Variants in GARNL3 observed in about 807,000 individuals in gnomAD.
GARNL3 encodes the protein GTPase activating Rap/RanGAP domain like 3, also known as GTPase-activating Rap/Ran-GAP domain-like protein 3.
Under a neutral mutation model 125.0 loss-of-function variants are expected in GARNL3, and 63 were observed. The ratio of observed to expected loss-of-function variants is 0.50; its 90% CI spans 0.41 to 0.62. The LOEUF (loss-of-function observed/expected upper bound fraction) is 0.62. Among genes scored for constraint, GARNL3 ranks in the 20% least tolerant of loss-of-function variants. GARNL3 has a pLI of 0.00. For missense variants in GARNL3, 994 were observed against 1,244.0 expected (o/e 0.80, Z 3.02); for synonymous variants, 439 against 457.5 (o/e 0.96, Z 0.52).
chr9:127,351,946 G>T (rs1419241197), intron 17 of GARNL3, among the ~76,000 whole-genome samples: 2 of 152,160 alleles, frequency 1.3e-5, no homozygotes, highest in Admixed American at 6.5e-5. Context: ...TTCTTGTGTT[G>T]TATACAAACC....
At position 127,389,028 on chromosome 9, in the gene GARNL3, G is replaced by A; in HGVS notation, c.2652G>A (p.Val884=). Residue 884 remains valine (V), a synonymous_variant, in exon 26 of 28, where the codon GTG becomes GTA. Transcript: ENST00000373387. ...TCACCCCACCCACTCCCATCAGTGT[G>A]GGCCTTGCTGCCATTCCAGTCACGC... ...KVITPPTPIS[V]GLAAIPVTHS... is the part of the protein sequence containing the mutation. 1 of 1,614,094 alleles carries A rather than the reference G, an allele frequency of 6.2e-7. No homozygotes were observed. The highest frequency in any genetic ancestry group is 1.1e-5 in the South Asian group (1 of 91,072).
At chr9:127,232,539 G>A (rs1187298469) in intron 1 of GARNL3, among the ~76,000 whole-genome samples, 1 of 152,104 alleles carries the variant, frequency 6.6e-6, no homozygotes, top group Non-Finnish European at 1.5e-5. Flanking sequence ...GAACTCCTAG[G>A]CTCAAGTGAT....
At chr9:127,251,060 C>A (rs542945222) in intron 2 of GARNL3, among the ~76,000 whole-genome samples, 2 of 152,282 alleles carry the variant, frequency 1.3e-5, no homozygotes, top group South Asian at 4.1e-4. Context: ...GTGCTAACCT[C>A]ATCTCAAAGT....
intron 1 of GARNL3, among the ~76,000 whole-genome samples, chr9:127,241,218 G>A (rs2063197710): frequency 6.6e-6 from 1 of 152,006 alleles, no homozygotes; most frequent in South Asian, 2.1e-4. Context: ...CTCCCTCATC[G>A]GTATCTTGAG....
At chr9:127,261,487 C>T (rs1201737721), upstream of GARNL3, among the ~76,000 whole-genome samples, 5 of 149,230 alleles carry the variant, frequency 3.4e-5, no homozygotes, top group East Asian at 4.1e-4. Context: ...CTCAGCTTAC[C>T]GCAACCTCTG....
Position 127,313,522 on chromosome 9 carries a change from G to C in GARNL3, c.401G>C (p.Arg134Pro). The change falls in exon 4 of 28, where the codon CGT (arginine) becomes CCT (proline). Residue 134 changes from arginine to proline, a missense_variant. Physicochemically the swap from Arg to Pro is moderately radical, Grantham distance 103. Transcript: ENST00000373387. ...SVTLSDQNNQ[R>P]VPQYRAILWR... ...ACCCTTTCTGACCAAAACAATCAAC[G>C]TGTCCCTCAATACCGTGCAATTCTT... is the stretch of plus-strand genomic sequence containing the variant. 5 of 1,613,904 alleles carry C rather than the reference G, an allele frequency of 3.1e-6. No individual in the cohort carries two copies. Among genetic ancestry groups the C allele is most frequent in the Non-Finnish European group, 4.2e-6 (5 of 1,179,840 alleles).
At chr9:127,259,148 C>T (rs568846538), upstream of GARNL3, among the ~76,000 whole-genome samples, 30 of 152,156 alleles carry the variant, frequency 2.0e-4, no homozygotes, top group Non-Finnish European at 4.0e-4. Context: ...CCTTTTCTTT[C>T]CTTATCAGTT....
chr9:127,270,707 A>G (rs1276129862), intron 1 of GARNL3, among the ~76,000 whole-genome samples: 1 of 152,170 alleles, frequency 6.6e-6, no homozygotes, highest in African/African-American at 2.4e-5. Flanking sequence ...TGCTTATCAC[A>G]ATCTATATTC....
chr9:127,337,566 A>T (rs1829622694), intron 11 of GARNL3, among the ~76,000 whole-genome samples: 2 of 152,130 alleles, frequency 1.3e-5, no homozygotes, highest in Non-Finnish European at 2.9e-5. Flanking sequence ...AGCTGGATGG[A>T]TTCTTTCCTA....
chr9:127,382,154 G>C (rs111754315), intron 22 of GARNL3, among the ~76,000 whole-genome samples: 3,385 of 152,066 alleles, frequency 0.022, 137 homozygotes, highest in African/African-American at 0.077. Flanking sequence ...GCAAAAACTA[G>C]CTGGGCATGG....
chr9:127,278,827 C>T (rs1462159857), intron 1 of GARNL3, among the ~76,000 whole-genome samples: 2 of 152,214 alleles, frequency 1.3e-5, no homozygotes, highest in African/African-American at 2.4e-5. Flanking sequence ...GGGGTTGCGG[C>T]GGCAATCCTT....
Position 127,385,327 on chromosome 9 carries a change from G to A in GARNL3, c.2388+182G>A, listed in dbSNP as rs10513484. 0.29 allele frequency among the ~76,000 whole-genome samples: 43,844 copies of A among 152,130 alleles called. 7,408 individuals are homozygous for A. Among genetic ancestry groups the A allele is most frequent in the Middle Eastern group, 0.43 (126 of 294 alleles). ...TGTTGGGTTTTCATGTGTGATTTCT[G>A]TGGGCTTTCAGAACACTCCTCAGCT... On this transcript the variant is annotated intron_variant, in intron 24 of 27. Coordinates refer to ENST00000373387, the MANE Select transcript of GARNL3 (RefSeq NM_032293.5). This position sits in a 1 kb window ranked among gnomAD's most constrained non-coding sequence, Gnocchi z 4.1.
In GARNL3 at chr9:127,248,855, C is replaced by A. The variant is rs1307306954; in HGVS notation, c.143+5606C>A. Among the ~76,000 whole-genome samples, 4 of 151,988 alleles carry A rather than the reference C, an allele frequency of 2.6e-5. No homozygotes were observed. The East Asian group carries it at 7.7e-4, about 29-fold the overall frequency. ...GAACTCCTGAACTCAAAGAGATCTG[C>A]CTGCCTCAGCCTCCCAAAGTGCTTG... On this transcript the variant is annotated intron_variant, in intron 2 of 10. Transcript: ENST00000439286.
In GARNL3 at chr9:127,256,496, T is replaced by C. The variant is rs191883940; in HGVS notation, c.144-8456T>C. 1.6e-3 allele frequency among the ~76,000 whole-genome samples: 242 copies of C among 152,342 alleles called. 2 individuals carry two copies. Among genetic ancestry groups the C allele is most frequent in the Non-Finnish European group, 3.1e-3 (208 of 68,022 alleles). ...TGCTTGCACAATATTTTTGTTCCTG[T>C]GAAGTCCTGTGTACTTTGTGTCTTT... is the stretch of plus-strand genomic sequence containing the variant. On this transcript the variant is annotated intron_variant, in intron 2 of 10. Transcript: ENST00000439286.
At chr9:127,325,796 T>G (rs2065551336) in intron 7 of GARNL3, among the ~76,000 whole-genome samples, 1 of 152,200 alleles carries the variant, frequency 6.6e-6, no homozygotes, top group African/African-American at 2.4e-5. Flanking sequence ...CTCTCTTGCC[T>G]GGGCTCTGCA....
chr9:127,228,219 C>T (rs2062946332), intron 1 of GARNL3, among the ~76,000 whole-genome samples: 1 of 152,180 alleles, frequency 6.6e-6, no homozygotes, highest in Non-Finnish European at 1.5e-5. Flanking sequence ...AGTTTACTTA[C>T]AGTTTTTCAC....
rs187043521 is a variant in GARNL3 at position 127,353,781 on chromosome 9, G to A, written c.1544-65G>A. 171 of 1,084,104 alleles carry A rather than the reference G, an allele frequency of 1.6e-4. 1 individual carries two copies. The African/African-American group carries it at 2.2e-3, about 14-fold the overall frequency. 67.2% of individuals were successfully genotyped at this position (1,084,104 alleles called of 1,614,324 possible). ...TGGGTTCAAAACTACCCACAGGCAC[G>A]TTTGGTGGGTTCTGGAAAGCGTGGG... is the stretch of plus-strand genomic sequence containing the variant. On this transcript the variant is annotated intron_variant, in intron 17 of 27. Coordinates refer to ENST00000373387, the MANE Select transcript of GARNL3 (RefSeq NM_032293.5).
intron 1 of GARNL3, among the ~76,000 whole-genome samples, chr9:127,283,118 C>T (rs1456625541): frequency 6.6e-6 from 1 of 152,102 alleles, no homozygotes; most frequent in Admixed American, 6.6e-5. Flanking sequence ...GATGTTAAAT[C>T]ACATGAATTT....
intron 22 of GARNL3, chr9:127,366,826 G>A (rs1490864474): frequency 1.3e-5 from 2 of 152,372 alleles, no homozygotes; most frequent in Non-Finnish European, 1.5e-5. Flanking sequence ...TGCCTCAGCT[G>A]TGGTTCCCGC....
Sources: gnomAD v4.1 joint callset for allele counts (sites outside exome capture counted in the v4.1 genomes callset) on GRCh38, gnomAD v4.1.1 for gene constraint, Gnocchi (gnomAD v3.1) non-coding constraint, MANE v1.5 for transcripts, NCBI Gene and HGNC (gene_info 2026-07-23, HGNC 2026-07-21) for gene names.